Variants in ACYP2 observed in about 807,000 individuals in gnomAD.
The protein encoded by ACYP2 is acylphosphatase 2, also known as acylphosphatase-2.
ACYP2 carries 12 observed loss-of-function variants against 11.2 expected under a neutral mutation model. The observed-to-expected ratio is 1.08, with a 90% confidence interval of 0.69 to 1.74. The LOEUF is 1.74. ACYP2 is among the 40% of genes most tolerant of loss of function. ACYP2 has a pLI of 0.00. For missense variants in ACYP2, 134 were observed against 101.9 expected (o/e 1.31, Z -1.35); for synonymous variants, 43 against 32.2 (o/e 1.33, Z -1.13).
chr2:54,200,997 C>T (rs1727504), intron 6 of ACYP2, among the ~76,000 whole-genome samples: 84,923 of 151,958 alleles, frequency 0.56, 23,921 homozygotes, highest in East Asian at 0.68. Flanking sequence ...ATTTCCCTGG[C>T]GGCTGATCAT....
At chr2:54,252,918 T>A (rs2062341) in intron 6 of ACYP2, among the ~76,000 whole-genome samples, 22,096 of 149,282 alleles carry the variant, frequency 0.15, 1,652 homozygotes, top group African/African-American at 0.19. Flanking sequence ...AAAAAAAAAA[T>A]ATGCCAATGG....
chr2:54,270,421 T>G (rs1688235210), intron 6 of ACYP2, among the ~76,000 whole-genome samples: 1 of 147,982 alleles, frequency 6.8e-6, no homozygotes, highest in African/African-American at 2.7e-5. Context: ...TGTTTTTGTG[T>G]TTTTTAGCCA....
chr2:54,138,638 G>C lies in ACYP2; in HGVS notation c.295-1G>C. The C allele has an allele frequency of 6.2e-7, 1 of 1,612,038 alleles. No homozygotes were observed. Among genetic ancestry groups the C allele is most frequent in the South Asian group, 1.1e-5 (1 of 90,940 alleles). ...ATTCTTCTTGTTTTTTCCTGAAACA[G>C]TATACAGAAGATGAAGCTAGGAAAA... On this transcript the variant is annotated splice_acceptor_variant, in intron 5 of 6. Coordinates refer to ENST00000607452, the MANE Select transcript of ACYP2 (RefSeq NM_001320586.2). LOFTEE classifies it high-confidence loss of function.
chr2:54,034,054 G>A (rs1157668009), intron 2 of ACYP2, among the ~76,000 whole-genome samples: 1 of 152,170 alleles, frequency 6.6e-6, no homozygotes, highest in Non-Finnish European at 1.5e-5. Context: ...AGCTCTTTTA[G>A]AAGCAGGCTT....
At chr2:54,095,585 G>A (rs1211490352) in intron 4 of ACYP2, among the ~76,000 whole-genome samples, 2 of 148,376 alleles carry the variant, frequency 1.3e-5, no homozygotes, top group African/African-American at 2.5e-5. Flanking sequence ...CCTCCCTCCC[G>A]GACGGGGCGG....
intron 4 of ACYP2, among the ~76,000 whole-genome samples, chr2:54,109,304 C>T (rs1679330792): frequency 6.6e-6 from 1 of 151,996 alleles, no homozygotes. Flanking sequence ...GTGAAGTAAC[C>T]CAGGAATAGA....
At chr2:54,157,136 A>C (rs998902062) in intron 6 of ACYP2, among the ~76,000 whole-genome samples, 1 of 152,172 alleles carries the variant, frequency 6.6e-6, no homozygotes, top group African/African-American at 2.4e-5. Context: ...ATTTATGTGG[A>C]GTAAAAGATG....
intron 6 of ACYP2, among the ~76,000 whole-genome samples, chr2:54,234,221 C>G (rs764224874): frequency 6.6e-6 from 1 of 152,192 alleles, no homozygotes; most frequent in Non-Finnish European, 1.5e-5. Context: ...TTGGCTTTCT[C>G]AAAACACTCT....
chr2:53,971,121 C>A lies in ACYP2; in HGVS notation c.-237C>A, dbSNP rs1359204911. ...GCGTCGGGGGAGGCGGTGGTGGCGG[C>A]AGCTGGAGCCCAACGGGCTGCGCCT... is the stretch of plus-strand genomic sequence containing the variant. On this transcript the variant is annotated 5_prime_UTR_variant, in exon 1 of 7. Transcript: ENST00000607452. The A allele has an allele frequency of 1.3e-5, 3 of 230,756 alleles. No individual in the cohort carries two copies. Among genetic ancestry groups the A allele is most frequent in the Non-Finnish European group, 2.5e-5 (3 of 119,900 alleles). 14.3% of individuals were successfully genotyped at this position (230,756 alleles called of 1,614,324 possible). A position where few individuals can be genotyped will look rare whatever the true frequency, so the allele number is the denominator to read the frequency against.
At chr2:54,058,120 T>C (rs920952479) in intron 4 of ACYP2, among the ~76,000 whole-genome samples, 2 of 152,176 alleles carry the variant, frequency 1.3e-5, no homozygotes, top group African/African-American at 4.8e-5. Context: ...CTAAATTTAG[T>C]AAATATTGGG....
At chr2:54,060,417 T>C (rs1393318655) in intron 4 of ACYP2, among the ~76,000 whole-genome samples, 2 of 152,144 alleles carry the variant, frequency 1.3e-5, no homozygotes, top group Non-Finnish European at 2.9e-5. Flanking sequence ...ATCATCTTCT[T>C]TTATGGATAT....
intron 6 of ACYP2, among the ~76,000 whole-genome samples, chr2:54,204,530 G>A (rs774640746): frequency 6.6e-6 from 1 of 152,064 alleles, no homozygotes; most frequent in Non-Finnish European, 1.5e-5. Flanking sequence ...TGAAAGGTCC[G>A]ATGCCAGTTG....
chr2:54,184,690 G>C (rs1332508341), intron 6 of ACYP2, among the ~76,000 whole-genome samples: 1 of 152,130 alleles, frequency 6.6e-6, no homozygotes, highest in Admixed American at 6.6e-5. Flanking sequence ...ATTATGTGCA[G>C]AATATATGGG....
At chr2:54,041,726 G>A (rs116556694) in intron 2 of ACYP2, among the ~76,000 whole-genome samples, 257 of 152,310 alleles carry the variant, frequency 1.7e-3, no homozygotes, top group African/African-American at 6.0e-3. Flanking sequence ...ATATAAGTGA[G>A]TTTAAGCTGG....
chr2:54,130,293 A>G (rs1433606045), intron 4 of ACYP2, among the ~76,000 whole-genome samples: 38 of 152,168 alleles, frequency 2.5e-4, no homozygotes, highest in Admixed American at 2.5e-3. Flanking sequence ...GGCAGAAGGA[A>G]TAGTCAGTAC....
intron 6 of ACYP2, among the ~76,000 whole-genome samples, chr2:54,264,481 C>G (rs533932594): frequency 1.3e-5 from 2 of 152,308 alleles, no homozygotes; most frequent in Non-Finnish European, 2.9e-5. Context: ...CCTCTCAGAT[C>G]CTGCTCAGGG....
intron 6 of ACYP2, among the ~76,000 whole-genome samples, chr2:54,286,905 C>T (rs1267981872): frequency 2.0e-5 from 3 of 151,820 alleles, no homozygotes; most frequent in Admixed American, 2.0e-4. Flanking sequence ...AATGTTTATT[C>T]AATATATGGT....
intron 1 of ACYP2, among the ~76,000 whole-genome samples, chr2:53,972,565 C>G (rs1269475229): frequency 6.6e-6 from 1 of 152,100 alleles, no homozygotes; most frequent in African/African-American, 2.4e-5. Context: ...CGAGATCGTG[C>G]CACAGCACTC....
rs971642871 is a variant in ACYP2, at chr2:54,046,631, G to T, written c.63-4327G>T. 2.0e-5 allele frequency among the ~76,000 whole-genome samples: 3 copies of T among 152,150 alleles called. No homozygotes were observed. The East Asian group carries it at 5.8e-4, about 29-fold the overall frequency. On this transcript the variant is annotated intron_variant, in intron 2 of 6. Transcript: ENST00000607452. ...TTGTTGAATTAGGTTGAGGCATGGG[G>T]ATAAGGCCACAATGGAGGAAAGTGA...
Sources: allele counts gnomAD v4.1 joint callset (sites outside exome capture counted in the v4.1 genomes callset), GRCh38; gene constraint gnomAD v4.1.1; transcripts MANE v1.5; gene names NCBI Gene and HGNC (gene_info 2026-07-23, HGNC 2026-07-21).